Variants in PCDHGA4 observed in about 807,000 individuals in gnomAD.
The protein encoded by PCDHGA4 is protocadherin gamma-A4.
Under a neutral mutation model 54.6 loss-of-function variants are expected in PCDHGA4, and 38 were observed. That is an observed-to-expected ratio of 0.70 (90% CI 0.54 to 0.91). The LOEUF is 0.91. PCDHGA4 is among the 40% of genes least tolerant of loss of function. PCDHGA4 has a pLI of 0.00. For missense variants in PCDHGA4, 1,298 were observed against 1,220.9 expected (o/e 1.06, Z -0.94); for synonymous variants, 511 against 512.9 (o/e 1.00, Z 0.05).
intron 1 of PCDHGA4, chr5:141,440,987 A>C (rs2098217413): frequency 6.6e-6 from 1 of 152,278 alleles, no homozygotes; most frequent in African/African-American, 2.4e-5. Flanking sequence ...AACCCAGAGT[A>C]CCCATATCTA....
In PCDHGA4 at chr5:141,494,027, G is replaced by A. The variant is rs77020157; in HGVS notation, c.2515-780G>A. 1.5e-4 allele frequency among the ~76,000 whole-genome samples: 23 copies of A among 152,298 alleles called. No homozygotes were observed. In the East Asian group the frequency reaches 3.3e-3, roughly 22 times the overall value. ...ACACATCAGCCCCTTGGGAGCCCTGGAGACTTAGTTGGCCCTGCTTGGAGG... is the reference window on the plus strand; with the variant it reads ...ACACATCAGCCCCTTGGGAGCCCTGAAGACTTAGTTGGCCCTGCTTGGAGG... On this transcript the variant is annotated intron_variant, in intron 1 of 3. Coordinates refer to ENST00000571252, the MANE Select transcript of PCDHGA4 (RefSeq NM_018917.4).
chr5:141,438,386 T>C (rs757664430), intron 1 of PCDHGA4, among the ~76,000 whole-genome samples: 1 of 151,778 alleles, frequency 6.6e-6, no homozygotes, highest in Admixed American at 6.6e-5. Flanking sequence ...AATTTCTTAG[T>C]TCATCATTAA....
chr5:141,408,239 C>A, intron 1 of PCDHGA4: 2 of 1,577,720 alleles, frequency 1.3e-6, no homozygotes, highest in South Asian at 2.3e-5. Flanking sequence ...CCGGGCCGGC[C>A]CGCGGCAGGT....
Position 141,485,330 on chromosome 5 carries a change from C to T in PCDHGA4, c.2515-9477C>T. On this transcript the variant is annotated intron_variant, in intron 1 of 3. Transcript: ENST00000571252. This position sits in a 1 kb window ranked among gnomAD's most constrained non-coding sequence, Gnocchi z 5.7. ...TGTAGGGAATGTCGCTCAAGATTTC[C>T]TGCTGGATACGGACAGTCTGTCAGC... 6.2e-7 allele frequency: 1 copy of T among 1,614,164 alleles called. No individual in the cohort carries two copies. Among genetic ancestry groups the T allele is most frequent in the East Asian group, 2.2e-5 (1 of 44,862 alleles).
chr5:141,415,404 C>T, intron 1 of PCDHGA4: 1 of 1,614,238 alleles, frequency 6.2e-7, no homozygotes, highest in Non-Finnish European at 8.5e-7. Context: ...CCGGCTCGCA[C>T]TTTGTGGGCG....
rs776335336 is a variant in PCDHGA4 at position 141,403,470 on chromosome 5, G to A, written c.2514+45849G>A. The A allele has an allele frequency of 3.7e-5, 59 of 1,613,910 alleles. No homozygotes were observed. Among genetic ancestry groups the A allele is most frequent in the Non-Finnish European group, 4.8e-5 (57 of 1,179,918 alleles). ...AACTCCCTCCAGAGCTACCAGCTCAGCCCCAATCACCACTTCTCCCTGAAC... is the reference window on the plus strand; with the variant it reads ...AACTCCCTCCAGAGCTACCAGCTCAACCCCAATCACCACTTCTCCCTGAAC... On this transcript the variant is annotated intron_variant, in intron 1 of 3. Coordinates refer to ENST00000571252, the MANE Select transcript of PCDHGA4 (RefSeq NM_018917.4).
At chr5:141,367,112 C>A in intron 1 of PCDHGA4, 1 of 221,126 alleles carries the variant, frequency 4.5e-6, no homozygotes. Context: ...GCCTAGACAC[C>A]ATTAGTGAAT....
chr5:141,481,679 C>T (rs2099541734), intron 1 of PCDHGA4, among the ~76,000 whole-genome samples: 1 of 151,948 alleles, frequency 6.6e-6, no homozygotes, highest in Non-Finnish European at 1.5e-5. Context: ...TCAGGCCGGG[C>T]CTGGTGGCTC....
rs752837336 is a variant in PCDHGA4 at position 141,371,945 on chromosome 5, G to A, written c.2514+14324G>A. On this transcript the variant is annotated intron_variant, in intron 1 of 3. Transcript: ENST00000571252. ...CGCGGAGCGGGGTGGTGTTCGCGCAGCGAGCCTTCGACCACGAGCAGCTGC... is the reference window on the plus strand; with the variant it reads ...CGCGGAGCGGGGTGGTGTTCGCGCAACGAGCCTTCGACCACGAGCAGCTGC... 6 of 1,613,298 alleles carry A rather than the reference G, an allele frequency of 3.7e-6. No homozygotes were observed. In the Admixed American group the frequency reaches 5.0e-5, roughly 13 times the overall value.
At chr5:141,398,228 G>A (rs2150736860) in intron 1 of PCDHGA4, 1 of 1,475,144 alleles carries the variant, frequency 6.8e-7, no homozygotes, top group East Asian at 2.5e-5. Flanking sequence ...GAGCAGATCC[G>A]CTACAGGATT....
intron 1 of PCDHGA4, chr5:141,389,265 G>T: frequency 6.2e-7 from 1 of 1,614,004 alleles, no homozygotes; most frequent in Non-Finnish European, 8.5e-7. Context: ...CCACGTGGCC[G>T]AGAACAACCC....
At chr5:141,372,411 C>G (rs1768748655) in intron 1 of PCDHGA4, 1 of 1,614,080 alleles carries the variant, frequency 6.2e-7, no homozygotes, top group East Asian at 2.2e-5. Context: ...AGAGATACAA[C>G]CTGACCTTAG....
chr5:141,429,534 A>G (rs1036595279), intron 1 of PCDHGA4, among the ~76,000 whole-genome samples: 1 of 152,222 alleles, frequency 6.6e-6, no homozygotes. Context: ...GCTTAAAAAA[A>G]TAAGAACATG....
In PCDHGA4 at chr5:141,404,772, G is replaced by A. The variant is rs764262966; in HGVS notation, c.2514+47151G>A. On this transcript the variant is annotated intron_variant, in intron 1 of 3. Transcript: ENST00000571252. ...GGCCAGAATGCTTGGCTCTCCTACC[G>A]CCTATTCAAGGCCAGTGAGCCAGGG... The A allele has an allele frequency of 9.9e-6, 16 of 1,613,820 alleles. No individual in the cohort carries two copies. The highest frequency in any genetic ancestry group is 5.0e-5 in the Admixed American group (3 of 60,000).
intron 1 of PCDHGA4, chr5:141,376,072 C>T (rs755171325): frequency 6.8e-6 from 11 of 1,613,380 alleles, no homozygotes; most frequent in South Asian, 6.6e-5. Context: ...TCACCGTGGC[C>T]GTGGCCGACA....
chr5:141,436,921 C>T lies in PCDHGA4; in HGVS notation c.2515-57886C>T, dbSNP rs73794904. Among the ~76,000 whole-genome samples the T allele has an allele frequency of 9.3e-3, 1,413 of 152,246 alleles. 25 individuals carry two copies. The highest frequency in any genetic ancestry group is 0.032 in the African/African-American group (1,313 of 41,572). On this transcript the variant is annotated intron_variant, in intron 1 of 3. Coordinates refer to ENST00000571252, the MANE Select transcript of PCDHGA4 (RefSeq NM_018917.4). ...ATATGAGACAATTTTGTGAGTGTTA[C>T]TTTTTCTTTGTCTGAACCATAGTGA...
intron 1 of PCDHGA4, among the ~76,000 whole-genome samples, chr5:141,472,542 GA>G (rs904556404): frequency 1.6e-4 from 23 of 147,144 alleles, no homozygotes; most frequent in African/African-American, 4.2e-4. Context: ...ACCATCTCAA[GA>G]AAAAAAAAAT....
rs2091100634 is a variant in PCDHGA4 at position 141,387,811 on chromosome 5, A to C, written c.2514+30190A>C. 4 of 1,528,618 alleles carry C rather than the reference A, an allele frequency of 2.6e-6. No individual in the cohort carries two copies. The South Asian group carries it at 5.1e-5, about 19-fold the overall frequency. 94.7% of individuals were successfully genotyped at this position (1,528,618 alleles called of 1,614,324 possible). ...CAACTAAAGTCCGTTCGGAGATCCA[A>C]AAATCTGCAATACAGAGGTTATTTG... On this transcript the variant is annotated intron_variant, in intron 1 of 3. Transcript: ENST00000571252.
intron 1 of PCDHGA4, chr5:141,391,507 T>C (rs2092381186): frequency 6.6e-6 from 1 of 152,172 alleles, no homozygotes; most frequent in Non-Finnish European, 1.5e-5. Context: ...AGAAAATATT[T>C]TCTTTCACTA....
Sources: gnomAD v4.1 joint callset for allele counts (sites outside exome capture counted in the v4.1 genomes callset) on GRCh38, gnomAD v4.1.1 for gene constraint, Gnocchi (gnomAD v3.1) non-coding constraint, MANE v1.5 for transcripts, NCBI Gene and HGNC (gene_info 2026-07-23, HGNC 2026-07-21) for gene names.